EGFR: variants seen among roughly 807,000 people sequenced by gnomAD.
The protein encoded by EGFR is epidermal growth factor receptor, also known as avian erythroblastic leukemia viral (v-erb-b) oncogene homolog.
EGFR carries 58 observed loss-of-function variants against 143.0 expected under a neutral mutation model. The observed-to-expected ratio is 0.41, with a 90% CI of 0.33 to 0.50. The LOEUF (loss-of-function observed/expected upper bound fraction) is 0.50. Ranked by LOEUF, EGFR falls within the 20% of genes least tolerant of loss-of-function variation. The pLI is 0.39. For synonymous variants in EGFR, 613 were observed against 594.4 expected, an observed-to-expected ratio of 1.03 and a Z score of -0.45; for missense variants, 1,307 against 1,579.0, an observed-to-expected ratio of 0.83 and a Z score of 2.92.
intron 1 of EGFR, among the ~76,000 whole-genome samples, chr7:55,118,063 G>T (rs1490147133): frequency 6.6e-6 from 1 of 152,294 alleles, no homozygotes; most frequent in African/African-American, 2.4e-5. Context: ...CATTTTAGTG[G>T]TTTTTAAAGT....
At position 55,211,291 on chromosome 7, in the gene EGFR, AT is replaced by A. The variant is rs1788230639; in HGVS notation, c.*5675del. The A allele has an allele frequency of 6.6e-6, 1 of 152,242 alleles. No individual in the cohort carries two copies. The highest frequency in any genetic ancestry group is 2.4e-5 in the African/African-American group (1 of 41,458). The allele number at this position is 152,242 out of a possible 1,614,324, so 9.4% of individuals were successfully genotyped here. A position where few individuals can be genotyped will look rare whatever the true frequency, so the allele number is the denominator to read the frequency against. On this transcript the variant is annotated 3_prime_UTR_variant, in exon 28 of 28. Transcript: ENST00000275493. The stretch of plus-strand genomic sequence containing the variant: ...GCCACAAAAATAATCTTGCTGTACA[AT>A]ACAATCTCTTGGAAATTAAGAGATC...
At chr7:55,174,485 C>G (rs555263613) in intron 18 of EGFR, among the ~76,000 whole-genome samples, 1 of 152,364 alleles carries the variant, frequency 6.6e-6, no homozygotes, top group East Asian at 1.9e-4. Context: ...TTATAACAGG[C>G]TTTACAAGCT....
intron 4 of EGFR, among the ~76,000 whole-genome samples, chr7:55,147,326 C>T (rs1794819713): frequency 6.6e-6 from 1 of 152,234 alleles, no homozygotes; most frequent in Non-Finnish European, 1.5e-5. Flanking sequence ...GGCGCCCTGA[C>T]TCAGGCCAGC....
intron 3 of EGFR, among the ~76,000 whole-genome samples, chr7:55,146,047 A>G (rs1161012874): frequency 1.3e-5 from 2 of 152,174 alleles, no homozygotes; most frequent in African/African-American, 4.8e-5. Context: ...AAACAGCTGT[A>G]CAGTTTCACC....
At chr7:55,164,293 A>G (rs1044353864) in intron 14 of EGFR, among the ~76,000 whole-genome samples, 18 of 152,220 alleles carry the variant, frequency 1.2e-4, no homozygotes, top group African/African-American at 4.1e-4. Flanking sequence ...AATCTTTTAA[A>G]GAATATGAGT....
At chr7:55,111,084 G>A (rs1284998594) in intron 1 of EGFR, among the ~76,000 whole-genome samples, 5 of 152,090 alleles carry the variant, frequency 3.3e-5, no homozygotes, top group Admixed American at 6.5e-5. Context: ...ATTTGGAATC[G>A]CTGAATGCTA....
Position 55,198,807 on chromosome 7 carries a change from A to T in EGFR, c.2792A>T (p.Glu931Val), listed in dbSNP as rs2128968809. 6.2e-7 allele frequency: 1 copy of T among 1,614,146 alleles called. No homozygotes were observed. Among genetic ancestry groups the T allele is most frequent in the Non-Finnish European group, 8.5e-7 (1 of 1,180,020 alleles). Reference sequence around the variant, plus strand: ...ATCTCCTCCATCCTGGAGAAAGGAGAACGCCTCCCTCAGCCACCCATATGT... The same window carrying T: ...ATCTCCTCCATCCTGGAGAAAGGAGTACGCCTCCCTCAGCCACCCATATGT... Reference protein sequence around the residue: ...SEISSILEKGERLPQPPICTI... With the variant: ...SEISSILEKGVRLPQPPICTI... Residue 931 changes from glutamate (E) to valine (V), a missense_variant, in exon 23 of 28, where the codon GAA becomes GTA. Around this residue, in one of 7 missense-constraint regions of EGFR, gnomAD observed 348 missense variants for 451.5 expected, o/e 0.77. Coordinates refer to ENST00000275493, the MANE Select transcript of EGFR (RefSeq NM_005228.5).
At chr7:55,043,913 A>T (rs1465600072) in intron 1 of EGFR, 1 of 152,196 alleles carries the variant, frequency 6.6e-6, no homozygotes, top group Non-Finnish European at 1.5e-5. Context: ...GACCAGTTGC[A>T]CTTGGCCTAG....
chr7:55,035,254 A>G (rs115004990), intron 1 of EGFR, among the ~76,000 whole-genome samples: 1 of 152,188 alleles, frequency 6.6e-6, no homozygotes, highest in African/African-American at 2.4e-5. Context: ...AAGCATTGTT[A>G]TTCACTTTCA....
intron 20 of EGFR, among the ~76,000 whole-genome samples, chr7:55,189,112 G>C (rs1787272876): frequency 6.6e-6 from 1 of 151,930 alleles, no homozygotes; most frequent in Non-Finnish European, 1.5e-5. Flanking sequence ...GTGTGTGTGT[G>C]TGTGTGTATA....
intron 1 of EGFR, among the ~76,000 whole-genome samples, chr7:55,053,342 C>T (rs1788601374): frequency 6.6e-6 from 1 of 152,158 alleles, no homozygotes; most frequent in South Asian, 2.1e-4. Context: ...GCTAAGTATG[C>T]CACTGACACT....
intron 1 of EGFR, among the ~76,000 whole-genome samples, chr7:55,064,738 G>A (rs1008687534): frequency 2.0e-5 from 3 of 152,194 alleles, no homozygotes; most frequent in African/African-American, 7.2e-5. Context: ...ACAATACAAG[G>A]ATGGATTTTC....
intron 1 of EGFR, among the ~76,000 whole-genome samples, chr7:55,095,515 G>A (rs1163415913): frequency 6.6e-6 from 1 of 152,218 alleles, no homozygotes; most frequent in Non-Finnish European, 1.5e-5. Context: ...GCCCAGGGCA[G>A]CTTGGGAGTG....
intron 1 of EGFR, among the ~76,000 whole-genome samples, chr7:55,107,639 C>T (rs566126426): frequency 6.6e-6 from 1 of 152,196 alleles, no homozygotes; most frequent in African/African-American, 2.4e-5. Context: ...CTGCAGATCA[C>T]GGCAGTGAAT....
chr7:55,019,635 G>C (rs1376238249), intron 1 of EGFR, among the ~76,000 whole-genome samples: 8 of 152,070 alleles, frequency 5.3e-5, no homozygotes, highest in Non-Finnish European at 1.0e-4. Context: ...CGGGACCTCC[G>C]GCGCCCCGAA....
At chr7:55,138,730 G>A (rs1794296367) in intron 1 of EGFR, among the ~76,000 whole-genome samples, 1 of 152,194 alleles carries the variant, frequency 6.6e-6, no homozygotes, top group Non-Finnish European at 1.5e-5. Context: ...AAACATTTCT[G>A]GGAGGTTGTC....
At chr7:55,092,743 G>A (rs1238574763) in intron 1 of EGFR, among the ~76,000 whole-genome samples, 3 of 152,228 alleles carry the variant, frequency 2.0e-5, no homozygotes, top group African/African-American at 7.2e-5. Flanking sequence ...CCTGTGCCCG[G>A]CTAATGATAG....
intron 1 of EGFR, among the ~76,000 whole-genome samples, chr7:55,033,628 A>G (rs1469232449): frequency 2.6e-5 from 4 of 152,180 alleles, no homozygotes; most frequent in Admixed American, 6.5e-5. Flanking sequence ...GGCTCTCACC[A>G]GAGAGCCTGT....
At chr7:55,155,009 T>C (rs1562765225) in intron 7 of EGFR, among the ~76,000 whole-genome samples, 1 of 152,162 alleles carries the variant, frequency 6.6e-6, no homozygotes, top group Non-Finnish European at 1.5e-5. Context: ...AGATATATCT[T>C]TGAGATAGGG....
Sources: gnomAD v4.1 joint callset for allele counts (sites outside exome capture counted in the v4.1 genomes callset) on GRCh38, gnomAD v4.1.1 for gene constraint, gnomAD v4.1.1 regional missense constraint, MANE v1.5 for transcripts, NCBI Gene and HGNC (gene_info 2026-07-23, HGNC 2026-07-21) for gene names.